ERC2: variants seen among roughly 807,000 people sequenced by gnomAD.
ERC2 encodes ERC protein 2.
A neutral mutation model predicts 114.8 loss-of-function variants in ERC2; 42 were observed. The ratio of observed to expected loss-of-function variants is 0.37; its 90% CI spans 0.29 to 0.47. ERC2 has a LOEUF of 0.47. Ranked by LOEUF, ERC2 falls within the 20% of genes least tolerant of loss-of-function variation. The pLI is 0.99. For missense variants in ERC2, 939 were observed against 1,150.7 expected (o/e 0.82, Z 2.66); for synonymous variants, 454 against 425.5 (o/e 1.07, Z -0.82).
At position 56,434,703 on chromosome 3, in the gene ERC2, G is replaced by T; in HGVS notation, c.305C>A (p.Pro102His). Residue 102 changes from proline (P) to histidine (H), a missense_variant, in exon 2 of 18, where the codon CCC becomes CAC. This residue lies in a region of ERC2 where 281 missense variants were observed against 307.4 expected (regional missense o/e 0.91). Coordinates refer to ENST00000288221, the MANE Select transcript of ERC2 (RefSeq NM_015576.3). ...GGRVTAMGSS[P>H]NIASAGLSHT... ...GGAAAGTCCAGCAGAAGCAATATTG[G>T]GACTACTCCCCATGGCTGTGACACG... is the stretch of plus-strand genomic sequence containing the variant. The T allele has an allele frequency of 6.2e-7, 1 of 1,613,862 alleles. No individual in the cohort carries two copies. The highest frequency in any genetic ancestry group is 8.5e-7 in the Non-Finnish European group (1 of 1,179,870).
intron 2 of ERC2, among the ~76,000 whole-genome samples, chr3:56,304,256 G>T (rs1176109028): frequency 6.6e-6 from 1 of 152,068 alleles, no homozygotes; most frequent in Non-Finnish European, 1.5e-5. Flanking sequence ...AATAAAACAA[G>T]CCTCTTCAGA....
intron 7 of ERC2, among the ~76,000 whole-genome samples, chr3:56,049,334 C>A (rs2075645251): frequency 6.6e-6 from 1 of 152,136 alleles, no homozygotes; most frequent in Admixed American, 6.5e-5. Context: ...ATGACTGGAC[C>A]ACTTTAACAG....
Position 56,030,306 on chromosome 3 carries a change from T to C in ERC2, c.1642-11275A>G, listed in dbSNP as rs531180603. Among the ~76,000 whole-genome samples, 10 of 152,340 alleles carry C rather than the reference T, an allele frequency of 6.6e-5. 1 individual carries two copies. In the East Asian group the frequency reaches 1.2e-3, roughly 18 times the overall value. The stretch of plus-strand genomic sequence containing the variant: ...GCAGCTGTTGGGAATATTCTATAAA[T>C]AGCAATCAGTTGATAGAATTGATCA... On this transcript the variant is annotated intron_variant, in intron 7 of 17. Coordinates refer to ENST00000288221, the MANE Select transcript of ERC2 (RefSeq NM_015576.3).
chr3:55,613,400 G>A (rs1368497801), intron 17 of ERC2, among the ~76,000 whole-genome samples: 3 of 152,138 alleles, frequency 2.0e-5, no homozygotes, highest in African/African-American at 7.2e-5. Context: ...TAACCTTTTT[G>A]GGGGGCGGTG....
chr3:55,569,588 A>G (rs1271662186), intron 17 of ERC2, among the ~76,000 whole-genome samples: 1 of 152,188 alleles, frequency 6.6e-6, no homozygotes, highest in South Asian at 2.1e-4. Context: ...AATTAGACGA[A>G]TCGTTTTCAG....
chr3:56,410,146 A>C (rs1280076852), intron 2 of ERC2, among the ~76,000 whole-genome samples: 1 of 152,358 alleles, frequency 6.6e-6, no homozygotes, highest in East Asian at 1.9e-4. Flanking sequence ...GTAATTAAAA[A>C]GCGATGGCTT....
At chr3:55,515,441 C>T (rs1383722027) in intron 17 of ERC2, among the ~76,000 whole-genome samples, 2 of 152,042 alleles carry the variant, frequency 1.3e-5, no homozygotes, top group Non-Finnish European at 2.9e-5. Flanking sequence ...AATCTCGGCT[C>T]ACTGCAACCT....
intron 17 of ERC2, among the ~76,000 whole-genome samples, chr3:55,657,050 C>G (rs1470092255): frequency 6.6e-6 from 1 of 152,072 alleles, no homozygotes; most frequent in Non-Finnish European, 1.5e-5. Context: ...TCATCTCCCC[C>G]TAGAGATGGC....
At chr3:56,154,481 T>C (rs1220088386) in intron 4 of ERC2, among the ~76,000 whole-genome samples, 2 of 152,158 alleles carry the variant, frequency 1.3e-5, no homozygotes, top group Non-Finnish European at 1.5e-5. Flanking sequence ...ATGAAACCCA[T>C]GCCCTTGGAA....
intron 17 of ERC2, among the ~76,000 whole-genome samples, chr3:55,633,324 G>A (rs1028663297): frequency 2.0e-5 from 3 of 152,208 alleles, no homozygotes; most frequent in African/African-American, 7.2e-5. Context: ...AAACAGAATT[G>A]AGTCCAGCAA....
intron 7 of ERC2, among the ~76,000 whole-genome samples, chr3:56,059,088 A>AT (rs573470478): frequency 1.1e-5 from 1 of 90,544 alleles, no homozygotes; most frequent in African/African-American, 3.3e-5. Flanking sequence ...TCTTTTTTTT[A>AT]TTTTTTTTAT....
chr3:56,155,597 T>G (rs996038037), intron 4 of ERC2, among the ~76,000 whole-genome samples: 1 of 152,024 alleles, frequency 6.6e-6, no homozygotes, highest in Non-Finnish European at 1.5e-5. Flanking sequence ...TGCCAAAATA[T>G]GTAATGTTCT....
intron 2 of ERC2, among the ~76,000 whole-genome samples, chr3:56,383,014 T>G (rs1434758976): frequency 6.6e-6 from 1 of 151,994 alleles, no homozygotes; most frequent in African/African-American, 2.4e-5. Flanking sequence ...TTAAAATCAT[T>G]CTTAATTATG....
chr3:56,249,698 C>T (rs1430468886), intron 3 of ERC2, among the ~76,000 whole-genome samples: 2 of 152,096 alleles, frequency 1.3e-5, no homozygotes, highest in Non-Finnish European at 2.9e-5. Context: ...CATCTACACA[C>T]TACAGGTTGC....
chr3:56,461,132 G>C (rs1278029079), intron 1 of ERC2, among the ~76,000 whole-genome samples: 2 of 151,960 alleles, frequency 1.3e-5, no homozygotes, highest in Non-Finnish European at 2.9e-5. Flanking sequence ...AGACCAGCAC[G>C]GACAGCGGAT....
chr3:55,751,618 G>T (rs1480640707), intron 14 of ERC2, among the ~76,000 whole-genome samples: 1 of 152,114 alleles, frequency 6.6e-6, no homozygotes, highest in African/African-American at 2.4e-5. Flanking sequence ...CATAGATGAG[G>T]CTTGCTCCAG....
intron 17 of ERC2, among the ~76,000 whole-genome samples, chr3:55,632,099 T>C (rs932220402): frequency 2.0e-5 from 3 of 152,350 alleles, no homozygotes; most frequent in Admixed American, 1.3e-4. Flanking sequence ...TGTGCTGAGT[T>C]ACTCTCTGAA....
chr3:55,812,022 A>G (rs1476070045), intron 14 of ERC2, among the ~76,000 whole-genome samples: 1 of 151,746 alleles, frequency 6.6e-6, no homozygotes, highest in East Asian at 1.9e-4. Flanking sequence ...TCCCCTGCCC[A>G]CCCCACAGGC....
chr3:55,998,166 A>C (rs1359675369), intron 10 of ERC2, among the ~76,000 whole-genome samples: 2 of 151,848 alleles, frequency 1.3e-5, no homozygotes, highest in African/African-American at 2.4e-5. Flanking sequence ...ACACCAAAAA[A>C]ATTATTTTCA....
Sources: allele counts gnomAD v4.1 joint callset (sites outside exome capture counted in the v4.1 genomes callset), GRCh38; gene constraint gnomAD v4.1.1; regional missense constraint gnomAD v4.1.1; transcripts MANE v1.5; gene names NCBI Gene and HGNC (gene_info 2026-07-23, HGNC 2026-07-21).